The following PLPPR5 variants were observed in gnomAD, a reference collection of about 807,000 sequenced individuals.
PLPPR5 encodes phospholipid phosphatase related 5, also known as phospholipid phosphatase-related protein type 5.
In PLPPR5, 16 loss-of-function variants were observed where a neutral mutation model predicts 33.9. That is an observed-to-expected ratio of 0.47 (90% CI 0.32 to 0.72). PLPPR5 has a LOEUF of 0.72. Among genes scored for constraint, PLPPR5 ranks in the 30% least tolerant of loss-of-function variants. The probability of loss-of-function intolerance (pLI) is 0.03; values close to 1 mark genes in which losing one functional copy is unlikely to be tolerated. For synonymous variants in PLPPR5, 163 were observed against 150.3 expected (o/e 1.08, Z -0.62); for missense variants, 301 against 406.7 (o/e 0.74, Z 2.23).
At chr1:99,005,015 G>C (rs1322877345), upstream of PLPPR5, 1 of 153,284 alleles carries the variant, frequency 6.5e-6, no homozygotes, top group African/African-American at 2.4e-5. Context: ...GAGACCATTC[G>C]AGAAGCAGCG....
At chr1:98,979,538 T>A (rs1379880447) in intron 1 of PLPPR5, among the ~76,000 whole-genome samples, 1 of 152,108 alleles carries the variant, frequency 6.6e-6, no homozygotes, top group African/African-American at 2.4e-5. Context: ...GCTTCTGTAT[T>A]AGCAAATGTA....
At chr1:98,921,756 C>A in intron 4 of PLPPR5, 126 bp downstream of exon 4, 4 of 737,890 alleles carry the variant, frequency 5.4e-6, no homozygotes, top group Non-Finnish European at 8.6e-6. Flanking sequence ...GTTTTATATA[C>A]TTAAATGAAT....
At position 98,959,328 on chromosome 1, in the gene PLPPR5, A is replaced by G. The variant is rs1651139223; in HGVS notation, c.238-2587T>C. The stretch of plus-strand genomic sequence containing the variant: ...CTCTTGCTTGCCTGCATCTCAGCAC[A>G]TTTCACCTTGCGGAATTTCCGATTT... On this transcript the variant is annotated intron_variant, in intron 1 of 5. Coordinates refer to ENST00000263177, the MANE Select transcript of PLPPR5 (RefSeq NM_001037317.2). Among the ~76,000 whole-genome samples the G allele has an allele frequency of 3.9e-5, 6 of 152,226 alleles. No individual in the cohort carries two copies. In the South Asian group the frequency reaches 1.2e-3, roughly 32 times the overall value.
At chr1:98,927,441 G>A (rs904085628) in intron 3 of PLPPR5, among the ~76,000 whole-genome samples, 4 of 152,142 alleles carry the variant, frequency 2.6e-5, no homozygotes, top group Admixed American at 2.6e-4. Context: ...ACGTCCTTGT[G>A]GCCCCATACT....
intron 3 of PLPPR5, among the ~76,000 whole-genome samples, chr1:98,935,384 A>G (rs1393119789): frequency 6.6e-6 from 1 of 152,214 alleles, no homozygotes; most frequent in Non-Finnish European, 1.5e-5. Flanking sequence ...GCCTGAACTA[A>G]GTCTGTACAA....
chr1:98,936,347 A>G (rs781747686), intron 3 of PLPPR5, among the ~76,000 whole-genome samples: 1 of 152,190 alleles, frequency 6.6e-6, no homozygotes, highest in Non-Finnish European at 1.5e-5. Flanking sequence ...GGGCTGCTGA[A>G]GGGTCCTGTG....
intron 1 of PLPPR5, among the ~76,000 whole-genome samples, chr1:98,985,443 A>T (rs761354298): frequency 4.1e-4 from 63 of 152,064 alleles, no homozygotes; most frequent in Admixed American, 2.2e-3. Flanking sequence ...ATATTATACC[A>T]TCATAACATT....
chr1:98,988,956 A>C (rs980029142), intron 1 of PLPPR5, among the ~76,000 whole-genome samples: 4 of 152,128 alleles, frequency 2.6e-5, no homozygotes, highest in African/African-American at 9.7e-5. Flanking sequence ...CATCCCTAAC[A>C]CAACTGCTGT....
intron 1 of PLPPR5, among the ~76,000 whole-genome samples, chr1:99,002,721 A>T (rs1272459498): frequency 6.6e-6 from 1 of 152,086 alleles, no homozygotes; most frequent in Non-Finnish European, 1.5e-5. Context: ...CCATGATTGG[A>T]TGGTTAGGAC....
At chr1:98,981,219 T>A (rs1007956826) in intron 1 of PLPPR5, among the ~76,000 whole-genome samples, 1 of 152,040 alleles carries the variant, frequency 6.6e-6, no homozygotes, top group Non-Finnish European at 1.5e-5. Flanking sequence ...GAGGGTAAGA[T>A]GTTAAATTGT....
chr1:98,913,555 G>A (rs1194410145), intron 5 of PLPPR5, among the ~76,000 whole-genome samples: 3 of 152,140 alleles, frequency 2.0e-5, no homozygotes, highest in Non-Finnish European at 2.9e-5. Context: ...TACTTTACAC[G>A]TGAAGTTTTT....
At chr1:98,963,163 T>C (rs1332445198) in intron 1 of PLPPR5, among the ~76,000 whole-genome samples, 1 of 152,222 alleles carries the variant, frequency 6.6e-6, no homozygotes, top group African/African-American at 2.4e-5. Flanking sequence ...TTATGCTTGG[T>C]CCATGGCTTA....
intron 1 of PLPPR5, among the ~76,000 whole-genome samples, chr1:98,968,801 A>T (rs973523756): frequency 1.3e-5 from 2 of 152,082 alleles, no homozygotes; most frequent in Non-Finnish European, 2.9e-5. Context: ...TGTATTCAGC[A>T]TATAGATAAG....
At chr1:98,956,300 C>T (rs943351956) in intron 2 of PLPPR5, among the ~76,000 whole-genome samples, 1 of 151,970 alleles carries the variant, frequency 6.6e-6, no homozygotes, top group Admixed American at 6.6e-5. Flanking sequence ...TGGGATCTTG[C>T]TATATTAAAG....
intron 3 of PLPPR5, among the ~76,000 whole-genome samples, chr1:98,930,580 G>A (rs945554584): frequency 6.6e-6 from 1 of 152,106 alleles, no homozygotes; most frequent in African/African-American, 2.4e-5. Context: ...GCACATTATA[G>A]GTTTGTGATC....
chr1:98,953,473 T>C (rs962392300), intron 2 of PLPPR5, among the ~76,000 whole-genome samples, 153 bp from the exon 3 acceptor site: 2 of 152,120 alleles, frequency 1.3e-5, no homozygotes, highest in African/African-American at 4.8e-5. Context: ...TAGTTCCTTT[T>C]ATTTCATCCC....
chr1:99,003,465 A>G (rs1005368070), intron 1 of PLPPR5, among the ~76,000 whole-genome samples: 1 of 152,084 alleles, frequency 6.6e-6, no homozygotes, highest in African/African-American at 2.4e-5. Context: ...ACAGGAAGGG[A>G]ACCTCCAATA....
chr1:98,963,928 A>G (rs11166150), intron 1 of PLPPR5, among the ~76,000 whole-genome samples: 1 of 151,864 alleles, frequency 6.6e-6, no homozygotes. Flanking sequence ...TTTTTGAGAC[A>G]CTCTTTTCAC....
chr1:98,898,874 C>T (rs1211133955), intron 5 of PLPPR5, among the ~76,000 whole-genome samples: 2 of 152,102 alleles, frequency 1.3e-5, no homozygotes, highest in Non-Finnish European at 2.9e-5. Context: ...GAGCTAACAG[C>T]TACCTTCTAA....
Sources: gnomAD v4.1 joint callset for allele counts (sites outside exome capture counted in the v4.1 genomes callset) on GRCh38, gnomAD v4.1.1 for gene constraint, MANE v1.5 for transcripts, NCBI Gene and HGNC (gene_info 2026-07-23, HGNC 2026-07-21) for gene names.